The following ACSM5 variants were observed in gnomAD, a reference collection of about 807,000 sequenced individuals.
ACSM5 encodes acyl-CoA synthetase medium chain family member 5.
In ACSM5, 56 loss-of-function variants were observed where a neutral mutation model predicts 71.6. The ratio of observed to expected loss-of-function variants is 0.78; its 90% confidence interval spans 0.63 to 0.98. The LOEUF (loss-of-function observed/expected upper bound fraction) is 0.98, where lower values mean the gene tolerates loss of function less well. Ranked by LOEUF, ACSM5 falls within the 50% of genes least tolerant of loss-of-function variation. The pLI is 0.00. For synonymous variants in ACSM5, 285 were observed against 281.5 expected, an observed-to-expected ratio of 1.01 and a Z score of -0.12; for missense variants, 723 against 726.0, an observed-to-expected ratio of 1.00 and a Z score of 0.05.
intron 5 of ACSM5, among the ~76,000 whole-genome samples, chr16:20,421,624 T>C (rs1343487926): frequency 2.3e-4 from 4 of 17,604 alleles, no homozygotes; most frequent in African/African-American, 6.2e-4. Context: ...GCTATATATA[T>C]ATATATATAT....
intron 5 of ACSM5, 122 bp downstream of exon 5, chr16:20,421,523 C>T (rs1966880947): frequency 7.7e-6 from 7 of 906,814 alleles, no homozygotes; most frequent in South Asian, 2.9e-5. Flanking sequence ...TACTGAGAAG[C>T]CAATAGGAGC....
rs1240194404 is a variant in ACSM5 at position 20,419,286 on chromosome 16, G to T, written c.474G>T (p.Leu158=). The T allele has an allele frequency of 6.2e-7, 1 of 1,614,160 alleles. No homozygotes were observed. The highest frequency in any genetic ancestry group is 2.2e-5 in the East Asian group (1 of 44,880). Residue 158 remains leucine (L), a synonymous_variant, in exon 4 of 14, where the codon CTG becomes CTT. Transcript: ENST00000331849. ...CAGAGAAGGACCTCAAGTACCGGCT[G>T]CAGGCGTCCAGGGCCAAGTCCATTA... ...QLTEKDLKYR[L]QASRAKSIIT...
intron 10 of ACSM5, among the ~76,000 whole-genome samples, chr16:20,432,624 A>T (rs1967120959): frequency 6.6e-6 from 1 of 152,126 alleles, no homozygotes; most frequent in South Asian, 2.1e-4. Context: ...TTCATTATTT[A>T]TTGTCGACTT....
intron 8 of ACSM5, among the ~76,000 whole-genome samples, 178 bp downstream of exon 8, chr16:20,429,979 T>C (rs1967062912): frequency 6.6e-6 from 1 of 152,022 alleles, no homozygotes; most frequent in Non-Finnish European, 1.5e-5. Context: ...CACTTATAAG[T>C]GGGAGCTAAG....
In ACSM5 at chr16:20,437,500, GA is replaced by G. The variant is rs138368966; in HGVS notation, c.1536+134del. On this transcript the variant is annotated intron_variant, in intron 12 of 13. Transcript: ENST00000331849. ...CCACAAAGTTGAAATGCCACCATCA[GA>G]CACACGTTGCCTTCATGTCTTTAGA... The G allele has an allele frequency of 8.3e-3, 5,832 of 700,942 alleles. 49 individuals are homozygous for G. The highest frequency in any genetic ancestry group is 0.01 in the Non-Finnish European group (4,309 of 414,098). 43.4% of individuals were successfully genotyped at this position (700,942 alleles called of 1,614,324 possible).
At chr16:20,430,965 T>C (rs376388806) in intron 8 of ACSM5, 28 bp from the exon 9 acceptor site, 17 of 1,574,330 alleles carry the variant, frequency 1.1e-5, no homozygotes, top group Non-Finnish European at 1.4e-5. Flanking sequence ...GGAAAGGCTC[T>C]TCTTTATCTG....
chr16:20,415,856 A>G (rs995999891), intron 2 of ACSM5, among the ~76,000 whole-genome samples: 5 of 152,182 alleles, frequency 3.3e-5, no homozygotes, highest in African/African-American at 1.2e-4. Flanking sequence ...CATTGTTTGA[A>G]TGGATATGTC....
intron 8 of ACSM5, among the ~76,000 whole-genome samples, chr16:20,430,573 G>C (rs1967073285): frequency 6.6e-6 from 1 of 151,642 alleles, no homozygotes; most frequent in Admixed American, 6.6e-5. Context: ...GGAAGGGAGG[G>C]AGGAAATAAA....
rs1966861621 is a variant in ACSM5, at chr16:20,418,151, C to A, written c.297C>A (p.Ser99=). The change falls in exon 3 of 14, where the codon TCC becomes TCA. Residue 99 remains serine, a synonymous_variant. Transcript: ENST00000331849. The part of the protein sequence containing the change: ...KWSFEELGKQ[S]RKAANVLGGA... ...GCTTTGAGGAGCTGGGGAAGCAGTC[C>A]AGGAAGGCAGCCAATGTGCTGGGGG... 3.1e-6 allele frequency: 5 copies of A among 1,613,408 alleles called. No individual in the cohort carries two copies. The highest frequency in any genetic ancestry group is 4.2e-6 in the Non-Finnish European group (5 of 1,179,906).
chr16:20,438,193 C>A (rs992655817), intron 12 of ACSM5, among the ~76,000 whole-genome samples: 1 of 151,886 alleles, frequency 6.6e-6, no homozygotes, highest in Admixed American at 6.6e-5. Flanking sequence ...AACAGGCAGA[C>A]TTAGGTACTT....
intron 2 of ACSM5, among the ~76,000 whole-genome samples, chr16:20,414,349 G>C (rs1966852700): frequency 6.6e-6 from 1 of 152,194 alleles, no homozygotes; most frequent in Non-Finnish European, 1.5e-5. Flanking sequence ...GAGAAGGCAG[G>C]AGGGTCAGAG....
At position 20,411,538 on chromosome 16, in the gene ACSM5, A is replaced by G; in HGVS notation, c.54A>G (p.Ala18=). The part of the protein sequence containing the change: ...LVLQALRNSR[A]FCGSHGKPAP... ...TCCAGGCACTGAGGAACTCCAGGGC[A>G]TTCTGTGGGTCTCATGGGAAGCCAG... The change falls in exon 2 of 14, where the codon GCA becomes GCG. Residue 18 remains alanine, a synonymous_variant. Transcript: ENST00000331849. The G allele has an allele frequency of 6.2e-7, 1 of 1,614,186 alleles. No individual in the cohort carries two copies.
intron 8 of ACSM5, among the ~76,000 whole-genome samples, chr16:20,430,073 T>TA (rs971385827): frequency 4.0e-5 from 6 of 151,662 alleles, no homozygotes; most frequent in Non-Finnish European, 7.4e-5. Flanking sequence ...GGCGTGAAGG[T>TA]AAAAAAACTA....
intron 10 of ACSM5, 45 bp from the exon 11 acceptor site, chr16:20,437,007 C>A: frequency 3.8e-6 from 6 of 1,598,114 alleles, no homozygotes; most frequent in East Asian, 2.3e-5. Flanking sequence ...CTGGCCTTAG[C>A]AGTTGTTCCC....
chr16:20,412,668 T>C (rs1201567491), intron 2 of ACSM5, among the ~76,000 whole-genome samples: 1 of 152,216 alleles, frequency 6.6e-6, no homozygotes, highest in African/African-American at 2.4e-5. Flanking sequence ...TCCCTAGGGG[T>C]TTTTGTCCAA....
rs374413504 is a variant in ACSM5, at chr16:20,437,290, G to A, written c.1459G>A (p.Val487Met). 6.2e-7 allele frequency: 1 copy of A among 1,614,194 alleles called. No homozygotes were observed. Among genetic ancestry groups the A allele is most frequent in the Non-Finnish European group, 8.5e-7 (1 of 1,180,042 alleles). Residue 487 changes from valine to methionine, a missense_variant, in exon 12 of 14, where the codon GTG becomes ATG. Transcript: ENST00000331849. ...CAGCTACCGGATCGGGCCTGTTGAA[G>A]TGGAAAGTGCCCTGGCAGAGCATCC... Reference protein sequence around the residue: ...SSSYRIGPVEVESALAEHPAV... With the variant: ...SSSYRIGPVEMESALAEHPAV...
intron 10 of ACSM5, 102 bp from the exon 11 acceptor site, chr16:20,436,950 C>A: frequency 2.2e-6 from 3 of 1,344,406 alleles, no homozygotes; most frequent in East Asian, 2.4e-5. Context: ...GCTGAACTTT[C>A]TGTTGAGTGG....
At chr16:20,423,534 TC>T (rs1254689504) in intron 5 of ACSM5, among the ~76,000 whole-genome samples, 1 of 152,242 alleles carries the variant, frequency 6.6e-6, no homozygotes, top group Non-Finnish European at 1.5e-5. Flanking sequence ...TCCAGGGGCT[TC>T]CTATAAGGCC....
intron 5 of ACSM5, among the ~76,000 whole-genome samples, chr16:20,421,950 A>G (rs2141648182): frequency 6.6e-6 from 1 of 152,054 alleles, no homozygotes; most frequent in Admixed American, 6.6e-5. Context: ...AACTGGCATC[A>G]TGCAGTCTGT....
Sources: allele counts gnomAD v4.1 joint callset (sites outside exome capture counted in the v4.1 genomes callset), GRCh38; gene constraint gnomAD v4.1.1; transcripts MANE v1.5; gene names NCBI Gene and HGNC (gene_info 2026-07-23, HGNC 2026-07-21).